Variants in COL19A1 observed in about 807,000 individuals in gnomAD.
The protein encoded by COL19A1 is collagen alpha-1(XIX) chain.
In COL19A1, 159 loss-of-function variants were observed where a neutral mutation model predicts 190.2. The observed-to-expected ratio is 0.84, with a 90% CI of 0.73 to 0.95. The LOEUF (loss-of-function observed/expected upper bound fraction) is 0.95, where lower values mean the gene tolerates loss of function less well. Among genes scored for constraint, COL19A1 ranks in the 40% least tolerant of loss-of-function variants. The pLI, the probability that COL19A1 is intolerant of heterozygous loss-of-function variation, is 0.00. For synonymous variants in COL19A1, 509 were observed against 458.9 expected, an observed-to-expected ratio of 1.11 and a Z score of -1.39; for missense variants, 1,418 against 1,431.9, an observed-to-expected ratio of 0.99 and a Z score of 0.16.
In COL19A1 at chr6:69,879,697, T is replaced by C. The variant is rs1010274086; in HGVS notation, c.91+39T>C. ...CTCTTTGCCTAATCACCAAATGTTA[T>C]TTATAGCCTTTAAGTCATTAAAACA... is the stretch of plus-strand genomic sequence containing the variant. On this transcript the variant is annotated intron_variant, in intron 2 of 50. Coordinates refer to ENST00000620364, the MANE Select transcript of COL19A1 (RefSeq NM_001858.6). 3 of 1,564,068 alleles carry C rather than the reference T, an allele frequency of 1.9e-6. No individual in the cohort carries two copies. The African/African-American group carries it at 4.1e-5, about 21-fold the overall frequency.
intron 27 of COL19A1, among the ~76,000 whole-genome samples, chr6:70,148,420 G>T (rs1391301410): frequency 1.3e-5 from 2 of 152,130 alleles, no homozygotes; most frequent in Non-Finnish European, 2.9e-5. Context: ...AATTTACGAG[G>T]GTTTTAGGAG....
chr6:70,057,064 C>A (rs1016812197), intron 14 of COL19A1, among the ~76,000 whole-genome samples: 1 of 152,138 alleles, frequency 6.6e-6, no homozygotes, highest in Non-Finnish European at 1.5e-5. Context: ...TATCATGCTG[C>A]CCATTGTTCC....
chr6:70,164,289 C>A (rs1787994254), intron 36 of COL19A1, among the ~76,000 whole-genome samples: 1 of 152,112 alleles, frequency 6.6e-6, no homozygotes, highest in Non-Finnish European at 1.5e-5. Flanking sequence ...TCTAAACTGG[C>A]TCTATTGTAC....
chr6:70,152,537 A>G (rs2150248028), intron 31 of COL19A1, among the ~76,000 whole-genome samples: 1 of 152,150 alleles, frequency 6.6e-6, no homozygotes, highest in East Asian at 1.9e-4. Flanking sequence ...TGGGGATTTC[A>G]GGAAAATCTT....
intron 49 of COL19A1, among the ~76,000 whole-genome samples, chr6:70,203,507 G>A (rs191893542): frequency 6.6e-6 from 1 of 152,192 alleles, no homozygotes; most frequent in African/African-American, 2.4e-5. Flanking sequence ...CTATCAATTG[G>A]TGGAGTAGAA....
At position 70,099,056 on chromosome 6, in the gene COL19A1, TAAAAAAA is replaced by T. The variant is rs5877239; in HGVS notation, c.1225-3092_1225-3086del. On this transcript the variant is annotated intron_variant, in intron 15 of 50. Transcript: ENST00000620364. Reference sequence around the variant, plus strand: ...GGGCAACATAGTGAGACCCTGTCTCTAAAAAAAAAAAAAAAAAAAAAAAAAAATTGAG... The same window carrying T: ...GGGCAACATAGTGAGACCCTGTCTCTAAAAAAAAAAAAAAAAAAAATTGAG... Among the ~76,000 whole-genome samples the T allele has an allele frequency of 1.4e-4, 11 of 75,882 alleles. 1 individual carries two copies. The highest frequency in any genetic ancestry group is 2.5e-4 in the Non-Finnish European group (10 of 40,632). The allele number at this position is 75,882 out of a possible 152,430, so 49.8% of individuals were successfully genotyped here. A position where few individuals can be genotyped will look rare whatever the true frequency, so the allele number is the denominator to read the frequency against.
At chr6:70,133,099 G>A (rs1785623314) in intron 18 of COL19A1, among the ~76,000 whole-genome samples, 1 of 152,134 alleles carries the variant, frequency 6.6e-6, no homozygotes, top group Admixed American at 6.5e-5. Flanking sequence ...CTTAGCACCT[G>A]GTCTTGCTCA....
intron 15 of COL19A1, among the ~76,000 whole-genome samples, chr6:70,101,182 A>G (rs3806027): frequency 0.68 from 103,024 of 152,048 alleles, 35,748 homozygotes; most frequent in African/African-American, 0.82. Context: ...TAATATGTAC[A>G]GACAGTTTAC....
rs796291656 is a variant in COL19A1 at position 69,927,946 on chromosome 6, G to A, written c.304G>A (p.Val102Ile). The change falls in exon 5 of 51, where the codon GTA becomes ATA. Residue 102 changes from valine (V) to isoleucine (I), a missense_variant. By Grantham distance (29) the Val-to-Ile change is conservative. Coordinates refer to ENST00000620364, the MANE Select transcript of COL19A1 (RefSeq NM_001858.6). ...CAAAGGCCTTCCTGAGGAGTACTCAGTAGCTGCCATGTTTCGAGTACGAAG... is the reference window on the plus strand; with the variant it reads ...CAAAGGCCTTCCTGAGGAGTACTCAATAGCTGCCATGTTTCGAGTACGAAG... The part of the protein sequence containing the change: ...FPKGLPEEYS[V>I]AAMFRVRRNA... 5 of 1,613,360 alleles carry A rather than the reference G, an allele frequency of 3.1e-6. No individual in the cohort carries two copies. In the South Asian group the frequency reaches 5.5e-5, roughly 18 times the overall value.
At chr6:70,156,872 G>T in intron 34 of COL19A1, 149 bp downstream of exon 34, 1 of 503,658 alleles carries the variant, frequency 2.0e-6, no homozygotes, top group Non-Finnish European at 3.4e-6. Flanking sequence ...AATGCTGACA[G>T]ATTTTAAATA....
intron 4 of COL19A1, among the ~76,000 whole-genome samples, chr6:69,909,784 A>G (rs910344518): frequency 6.6e-6 from 1 of 152,158 alleles, no homozygotes; most frequent in East Asian, 1.9e-4. Context: ...CCACATCCAG[A>G]TGGCTTAAGT....
chr6:70,081,702 T>A (rs1298661673), intron 15 of COL19A1, among the ~76,000 whole-genome samples: 3 of 152,164 alleles, frequency 2.0e-5, no homozygotes, highest in African/African-American at 7.2e-5. Context: ...ATGTGGAAAA[T>A]GACCATGCAT....
intron 4 of COL19A1, among the ~76,000 whole-genome samples, chr6:69,904,763 C>A (rs1770433450): frequency 6.6e-6 from 1 of 152,218 alleles, no homozygotes; most frequent in South Asian, 2.1e-4. Context: ...TTGTTCCAGG[C>A]TGTTTATCTG....
chr6:70,184,205 G>C (rs1296402802), intron 44 of COL19A1, among the ~76,000 whole-genome samples: 1 of 152,156 alleles, frequency 6.6e-6, no homozygotes, highest in African/African-American at 2.4e-5. Context: ...GCCATGTTAT[G>C]AAATTTCCCC....
At chr6:69,894,866 T>A (rs1208058002) in intron 2 of COL19A1, among the ~76,000 whole-genome samples, 2 of 152,062 alleles carry the variant, frequency 1.3e-5, no homozygotes, top group Non-Finnish European at 2.9e-5. Flanking sequence ...CAATTAAGCT[T>A]TACAGAAAAA....
chr6:69,990,170 C>T (rs1582621811), intron 11 of COL19A1, among the ~76,000 whole-genome samples: 1 of 151,950 alleles, frequency 6.6e-6, no homozygotes, highest in East Asian at 1.9e-4. Flanking sequence ...AAATATTGAA[C>T]ACCTGTATAT....
intron 4 of COL19A1, among the ~76,000 whole-genome samples, chr6:69,913,176 A>G (rs991484490): frequency 6.6e-5 from 10 of 152,316 alleles, no homozygotes; most frequent in African/African-American, 2.4e-4. Context: ...TACCCACAAT[A>G]AGAATGTAAA....
At chr6:70,057,014 G>A (rs1467676892) in intron 14 of COL19A1, among the ~76,000 whole-genome samples, 2 of 152,054 alleles carry the variant, frequency 1.3e-5, no homozygotes, top group Admixed American at 1.3e-4. Flanking sequence ...TAACCCAAAT[G>A]CAAAAGTTAC....
At chr6:70,153,083 G>C (rs1787175387) in intron 31 of COL19A1, among the ~76,000 whole-genome samples, 1 of 152,044 alleles carries the variant, frequency 6.6e-6, no homozygotes, top group Non-Finnish European at 1.5e-5. Context: ...AGGACATCTT[G>C]ACTGATAGTC....
Sources: allele counts gnomAD v4.1 joint callset (sites outside exome capture counted in the v4.1 genomes callset), GRCh38; gene constraint gnomAD v4.1.1; transcripts MANE v1.5; gene names NCBI Gene and HGNC (gene_info 2026-07-23, HGNC 2026-07-21).